Variants in AKR1E2 observed in about 807,000 individuals in gnomAD.
AKR1E2 encodes aldo-keto reductase family 1 member E2.
In AKR1E2, 43 loss-of-function variants were observed where a neutral mutation model predicts 41.9. That is an observed-to-expected ratio of 1.03 (90% CI 0.80 to 1.32). AKR1E2 has a LOEUF of 1.32. Among genes scored for constraint, AKR1E2 ranks in the 40% most tolerant of loss-of-function variants. AKR1E2 has a pLI of 0.00. For missense variants in AKR1E2, 423 were observed against 396.5 expected, an observed-to-expected ratio of 1.07 and a Z score of -0.57; for synonymous variants, 121 against 138.9, an observed-to-expected ratio of 0.87 and a Z score of 0.91.
intron 8 of AKR1E2, 36 bp from the exon 9 acceptor site, chr10:4,847,112 A>G (rs1834390572): frequency 1.2e-6 from 2 of 1,613,152 alleles, no homozygotes; most frequent in Non-Finnish European, 1.7e-6. Flanking sequence ...TGTGAATTAA[A>G]CTAAGTTTTC....
chr10:4,831,633 G>T (rs1268365459), intron 2 of AKR1E2, among the ~76,000 whole-genome samples: 2 of 152,136 alleles, frequency 1.3e-5, no homozygotes, highest in African/African-American at 4.8e-5. Flanking sequence ...AGGGATTATG[G>T]GAGCTACAAT....
the AKR1E2 span, among the ~76,000 whole-genome samples, chr10:4,866,639 G>C: frequency 5.6e-5 from 6 of 107,806 alleles, no homozygotes; most frequent in African/African-American, 1.9e-4. Context: ...TTTTGTTTTT[G>C]TTTTTGTTTT....
chr10:4,847,243 CCTT>C lies in AKR1E2; in HGVS notation c.920+17_920+19del, dbSNP rs1438590889. 3.1e-6 allele frequency: 5 copies of C among 1,613,642 alleles called. No individual in the cohort carries two copies. The highest frequency in any genetic ancestry group is 1.1e-5 in the South Asian group (1 of 91,016). ...CCATGTTCCCCATGTAAATATGGCT[CCTT>C]CTTTTTAAAACAGAGGGAAGAATAT... is the stretch of plus-strand genomic sequence containing the variant. On this transcript the variant is annotated intron_variant, in intron 9 of 9. Coordinates refer to ENST00000298375, the MANE Select transcript of AKR1E2 (RefSeq NM_001040177.3).
the AKR1E2 span, among the ~76,000 whole-genome samples, chr10:4,859,432 G>A: frequency 5.9e-5 from 9 of 152,322 alleles, no homozygotes; most frequent in African/African-American, 1.4e-4. Context: ...AAGACATTGA[G>A]TAGTTATTTG....
intron 6 of AKR1E2, 81 bp from the exon 7 acceptor site, chr10:4,841,704 G>T: frequency 1.8e-6 from 2 of 1,086,636 alleles, no homozygotes; most frequent in East Asian, 2.7e-5. Context: ...CTTTCATTTT[G>T]GACAAAGATT....
At chr10:4,845,922 T>C (rs1425464959) in intron 8 of AKR1E2, 3 of 459,284 alleles carry the variant, frequency 6.5e-6, no homozygotes, top group Non-Finnish European at 1.3e-5. Flanking sequence ...AGGAAGTGCT[T>C]ATGCTGTCAG....
chr10:4,845,833 T>C (rs769609620), intron 8 of AKR1E2: 1 of 470,986 alleles, frequency 2.1e-6, no homozygotes, highest in South Asian at 1.5e-5. Flanking sequence ...AGGACCAGGC[T>C]GACGTGAGAC....
At chr10:4,845,278 G>A (rs2167702) in intron 8 of AKR1E2, among the ~76,000 whole-genome samples, 88,346 of 152,048 alleles carry the variant, frequency 0.58, 27,219 homozygotes, top group East Asian at 0.68. Context: ...GCGCAGCCCC[G>A]ATTCCCACCG....
the AKR1E2 span, among the ~76,000 whole-genome samples, chr10:4,857,065 C>G: frequency 2.6e-5 from 4 of 152,182 alleles, no homozygotes; most frequent in Non-Finnish European, 5.9e-5. Context: ...TTTGACTCCT[C>G]TAGGGACCTC....
chr10:4,826,299 GGGCGGCGGGGCGGCCGGC>G lies in AKR1E2; in HGVS notation c.-19_-2del. On this transcript the variant is annotated 5_prime_UTR_variant, in exon 1 of 10. Transcript: ENST00000298375. ...GTCGGTAGTCGCGTGCGGGGCGGCG[GGGCGGCGGGGCGGCCGGC>G]GGCGGCCATGGGAGATATCCCAGCC... is the stretch of plus-strand genomic sequence containing the variant. The G allele has an allele frequency of 8.1e-7, 1 of 1,232,120 alleles. No individual in the cohort carries two copies. Among genetic ancestry groups the G allele is most frequent in the South Asian group, 4.1e-5 (1 of 24,330 alleles). The allele number at this position is 1,232,120 out of a possible 1,614,324, so 76.3% of individuals were successfully genotyped here. A position where few individuals can be genotyped will look rare whatever the true frequency, so the allele number is the denominator to read the frequency against.
the AKR1E2 span, among the ~76,000 whole-genome samples, chr10:4,869,923 T>C: frequency 6.6e-6 from 1 of 152,104 alleles, no homozygotes; most frequent in Non-Finnish European, 1.5e-5. Flanking sequence ...ATTTTGGTTA[T>C]TTTCTATATG....
chr10:4,861,078 G>T, the AKR1E2 span, among the ~76,000 whole-genome samples: 4 of 152,128 alleles, frequency 2.6e-5, no homozygotes, highest in African/African-American at 9.6e-5. Context: ...AATCAATCAG[G>T]CTCAAAACTT....
downstream of AKR1E2, chr10:4,848,078 CT>C (rs60725002): frequency 0.35 from 46,319 of 130,542 alleles, 7,381 homozygotes; most frequent in East Asian, 0.59. Flanking sequence ...ATTTTAATTT[CT>C]TTTTTTTTTT....
chr10:4,842,587 A>G, intron 8 of AKR1E2, 83 bp downstream of exon 8: 2 of 1,292,450 alleles, frequency 1.5e-6, no homozygotes, highest in South Asian at 1.2e-5. Flanking sequence ...ATACAGCCTC[A>G]GGGTTGCGGA....
At chr10:4,844,213 G>A (rs1326727760) in intron 8 of AKR1E2, among the ~76,000 whole-genome samples, 2 of 152,188 alleles carry the variant, frequency 1.3e-5, no homozygotes, top group East Asian at 1.9e-4. Flanking sequence ...CACTGGCTTA[G>A]GAGTGAAGGT....
the AKR1E2 span, among the ~76,000 whole-genome samples, chr10:4,857,529 G>A: frequency 6.6e-6 from 1 of 152,088 alleles, no homozygotes; most frequent in South Asian, 2.1e-4. Context: ...CCAGCATCAT[G>A]CTTTCTATAC....
chr10:4,842,589 G>A (rs989288253), intron 8 of AKR1E2, 85 bp downstream of exon 8: 22 of 1,280,138 alleles, frequency 1.7e-5, no homozygotes, highest in East Asian at 2.3e-5. Flanking sequence ...ACAGCCTCAG[G>A]GTTGCGGAGC....
At chr10:4,848,780 G>A (rs1369887004), downstream of AKR1E2, among the ~76,000 whole-genome samples, 2 of 152,188 alleles carry the variant, frequency 1.3e-5, no homozygotes, top group East Asian at 1.9e-4. Context: ...AGTCAGAGGT[G>A]TGGGTTCTGC....
At chr10:4,825,498 G>A (rs1193056494), upstream of AKR1E2, among the ~76,000 whole-genome samples, 1 of 152,142 alleles carries the variant, frequency 6.6e-6, no homozygotes, top group Non-Finnish European at 1.5e-5. Flanking sequence ...GCCCGAGGCT[G>A]CAAGCAAGGA....
Sources: gnomAD v4.1 joint callset for allele counts (sites outside exome capture counted in the v4.1 genomes callset) on GRCh38, gnomAD v4.1.1 for gene constraint, MANE v1.5 for transcripts, NCBI Gene and HGNC (gene_info 2026-07-23, HGNC 2026-07-21) for gene names.